PBRM1: variants seen among roughly 807,000 people sequenced by gnomAD.
PBRM1 encodes protein polybromo-1.
In PBRM1, 27 loss-of-function variants were observed where a neutral mutation model predicts 194.5. That is an observed-to-expected ratio of 0.14 (90% CI 0.10 to 0.19). The LOEUF (loss-of-function observed/expected upper bound fraction) is 0.19. Among genes scored for constraint, PBRM1 ranks in the 10% least tolerant of loss-of-function variants. PBRM1 has a pLI of 1.00. For synonymous variants in PBRM1, 655 were observed against 693.2 expected (o/e 0.94, Z 0.87); for missense variants, 1,466 against 2,077.2 (o/e 0.71, Z 5.72).
intron 8 of PBRM1, among the ~76,000 whole-genome samples, chr3:52,643,766 T>G (rs1346313098): frequency 6.6e-6 from 1 of 152,250 alleles, no homozygotes; most frequent in East Asian, 1.9e-4. Flanking sequence ...GGTCAGGAGT[T>G]CAAGACCAGC....
chr3:52,644,269 TC>T (rs1191971864), intron 8 of PBRM1, among the ~76,000 whole-genome samples: 1 of 152,140 alleles, frequency 6.6e-6, no homozygotes, highest in Non-Finnish European at 1.5e-5. Flanking sequence ...ACTACTATCT[TC>T]AGAATTATAA....
intron 13 of PBRM1, among the ~76,000 whole-genome samples, chr3:52,618,476 T>A (rs2153502910): frequency 6.6e-6 from 1 of 152,290 alleles, no homozygotes; most frequent in South Asian, 2.1e-4. Context: ...TATTCTTATG[T>A]ACTCAGGGCA....
intron 25 of PBRM1, 59 bp from the exon 28 acceptor site, chr3:52,558,472 C>G: frequency 1.4e-6 from 2 of 1,396,950 alleles, no homozygotes; most frequent in Non-Finnish European, 1.9e-6. Context: ...AAAATACCAT[C>G]CATTGCATTC....
intron 22 of PBRM1, among the ~76,000 whole-genome samples, chr3:52,567,871 A>T (rs1291208627): frequency 1.4e-5 from 2 of 147,274 alleles, no homozygotes; most frequent in Admixed American, 1.4e-4. Flanking sequence ...CTGGTCTCGA[A>T]CTTCTGACCT....
upstream of PBRM1, chr3:52,681,959 T>G (rs2097211614): frequency 6.2e-6 from 1 of 160,742 alleles, no homozygotes. Context: ...AACAGGCATA[T>G]CAGTTCTCTT....
rs867752301 is a variant in PBRM1 at position 52,639,057 on chromosome 3, T to G, written c.1087+2897A>C. Among the ~76,000 whole-genome samples the G allele has an allele frequency of 2.0e-5, 3 of 146,842 alleles. No individual in the cohort carries two copies. The South Asian group carries it at 6.7e-4, about 33-fold the overall frequency. ...TGGAGTGCAATGGCACAATCTTGGC[T>G]CACAGCAACCTCCGCCTCCCGGGTT... On this transcript the variant is annotated intron_variant, in intron 10 of 29. Transcript: ENST00000296302.
intron 26 of PBRM1, 107 bp downstream of exon 28, chr3:52,558,142 T>G: frequency 1.3e-6 from 1 of 758,786 alleles, no homozygotes; most frequent in Admixed American, 3.1e-5. Context: ...AAACTTTGAA[T>G]CTGTCATGAG....
At position 52,660,480 on chromosome 3, in the gene PBRM1, G is replaced by T. The variant is rs2096699573; in HGVS notation, c.528+1653C>A. 1.3e-5 allele frequency among the ~76,000 whole-genome samples: 2 copies of T among 151,748 alleles called. 1 individual carries two copies. Among genetic ancestry groups the T allele is most frequent in the South Asian group, 4.2e-4 (2 of 4,804 alleles). ...AAATATATGAACTACATGTATATGT[G>T]TGTATATATATTTTGTGTATATCTA... On this transcript the variant is annotated intron_variant, in intron 4 of 29. Transcript: ENST00000296302.
intron 20 of PBRM1, 144 bp downstream of exon 22, chr3:52,586,281 T>C (rs1356891222): frequency 5.7e-6 from 4 of 698,276 alleles, no homozygotes; most frequent in African/African-American, 1.8e-5. Flanking sequence ...TGTAAATTTC[T>C]TTCTGTTATA....
Position 52,589,080 on chromosome 3 carries a change from C to T in PBRM1, c.2955G>A (p.Glu985=), listed in dbSNP as rs773545978. 8 of 1,612,774 alleles carry T rather than the reference C, an allele frequency of 5.0e-6. No individual in the cohort carries two copies. In the South Asian group the frequency reaches 8.8e-5, roughly 18 times the overall value. Residue 985 remains glutamate (E), a synonymous_variant, in exon 18 of 30, where the codon GAG becomes GAA. Transcript: ENST00000296302. ...TTAAAACAAACTTACCAGCTGAATCCTCCCACAGTCTTTCAATACAGACGA... is the reference window on the plus strand; with the variant it reads ...TTAAAACAAACTTACCAGCTGAATCTTCCCACAGTCTTTCAATACAGACGA...
At chr3:52,652,319 G>T (rs984380501) in intron 5 of PBRM1, among the ~76,000 whole-genome samples, 1 of 151,018 alleles carries the variant, frequency 6.6e-6, no homozygotes, top group African/African-American at 2.4e-5. Flanking sequence ...GGGAGGCAGA[G>T]ATTGCAGTGA....
At chr3:52,683,212 AT>A (rs200388335), upstream of PBRM1, among the ~76,000 whole-genome samples, 28 of 150,690 alleles carry the variant, frequency 1.9e-4, no homozygotes, top group South Asian at 4.4e-3. Flanking sequence ...CAAAAAAATA[AT>A]AAAAAAAAAA....
chr3:52,644,716 C>G (rs995859396), exon 8 of PBRM1: 1 of 1,551,208 alleles, frequency 6.4e-7, no homozygotes, highest in Non-Finnish European at 8.9e-7. Flanking sequence ...CATTCGAAGA[C>G]TTGACTTAGC....
At chr3:52,663,362 C>A (rs1279067178) in intron 3 of PBRM1, among the ~76,000 whole-genome samples, 1 of 152,198 alleles carries the variant, frequency 6.6e-6, no homozygotes, top group Non-Finnish European at 1.5e-5. Context: ...TGCCAGGGAG[C>A]AAGGACGACT....
chr3:52,595,988 C>T (rs2153222923), intron 17 of PBRM1, among the ~76,000 whole-genome samples: 1 of 152,244 alleles, frequency 6.6e-6, no homozygotes, highest in East Asian at 1.9e-4. Context: ...CTACTCTTTT[C>T]CATTGGTATA....
chr3:52,568,225 C>T (rs558784028), intron 22 of PBRM1, among the ~76,000 whole-genome samples: 15 of 152,182 alleles, frequency 9.9e-5, no homozygotes, highest in Non-Finnish European at 1.9e-4. Context: ...GTGATCCACC[C>T]ACCTTGGCCT....
intron 11 of PBRM1, among the ~76,000 whole-genome samples, chr3:52,632,848 T>C (rs572908927): frequency 4.6e-5 from 7 of 152,114 alleles, no homozygotes; most frequent in Admixed American, 3.9e-4. Context: ...CTCCTGCCAC[T>C]ACGCCTGGCT....
In PBRM1 at chr3:52,648,303, T is replaced by C. The variant is rs781250931; in HGVS notation, c.813+41A>G. 36 of 1,131,680 alleles carry C rather than the reference T, an allele frequency of 3.2e-5. 1 individual carries two copies. The South Asian group carries it at 4.1e-4, about 13-fold the overall frequency. 70.1% of individuals were successfully genotyped at this position (1,131,680 alleles called of 1,614,324 possible). On this transcript the variant is annotated intron_variant, in intron 7 of 29. Transcript: ENST00000296302. Reference sequence around the variant, plus strand: ...ATTACTGACCTTAAATTATCTACTATTACCAAGGAAAACAACAACAACAAC... The same window carrying C: ...ATTACTGACCTTAAATTATCTACTACTACCAAGGAAAACAACAACAACAAC...
chr3:52,553,448 A>G (rs1218167960), intron 27 of PBRM1, among the ~76,000 whole-genome samples: 2 of 151,486 alleles, frequency 1.3e-5, no homozygotes, highest in Non-Finnish European at 2.9e-5. Context: ...ACCAGTATCT[A>G]CAGCTAGGAG....
Sources: gnomAD v4.1 joint callset for allele counts (sites outside exome capture counted in the v4.1 genomes callset) on GRCh38, gnomAD v4.1.1 for gene constraint, MANE v1.5 for transcripts, NCBI Gene and HGNC (gene_info 2026-07-23, HGNC 2026-07-21) for gene names.